PARD3B: variants seen among roughly 807,000 people sequenced by gnomAD.
The protein encoded by PARD3B is partitioning defective 3 homolog B.
Under a neutral mutation model 130.2 loss-of-function variants are expected in PARD3B, and 103 were observed. The observed-to-expected ratio is 0.79, with a 90% CI of 0.67 to 0.93. The LOEUF (loss-of-function observed/expected upper bound fraction) is 0.93, where lower values mean the gene tolerates loss of function less well. PARD3B is among the 40% of genes least tolerant of loss of function. The pLI is 0.00. For missense variants in PARD3B, 1,609 were observed against 1,499.2 expected, an observed-to-expected ratio of 1.07 and a Z score of -1.21; for synonymous variants, 583 against 553.2, an observed-to-expected ratio of 1.05 and a Z score of -0.76.
chr2:205,317,378 T>C (rs2042597974), intron 18 of PARD3B, among the ~76,000 whole-genome samples: 1 of 152,158 alleles, frequency 6.6e-6, no homozygotes, highest in Admixed American at 6.6e-5. Context: ...TAGAATGGGA[T>C]TGGTTAGCTG....
chr2:205,493,143 G>T (rs1490308490), intron 20 of PARD3B, among the ~76,000 whole-genome samples: 2 of 152,048 alleles, frequency 1.3e-5, no homozygotes, highest in African/African-American at 4.8e-5. Context: ...TTATATTATA[G>T]TTATGTTATT....
intron 3 of PARD3B, among the ~76,000 whole-genome samples, chr2:205,028,380 T>A (rs1697182091): frequency 6.6e-6 from 1 of 152,184 alleles, no homozygotes; most frequent in Non-Finnish European, 1.5e-5. Flanking sequence ...CTTAATAGAT[T>A]ATTTGACCAA....
chr2:205,567,260 G>A (rs1476735785), intron 22 of PARD3B, among the ~76,000 whole-genome samples: 2 of 143,088 alleles, frequency 1.4e-5, no homozygotes, highest in Non-Finnish European at 3.0e-5. Context: ...GGGACAAAAT[G>A]TAAAGAATTG....
intron 6 of PARD3B, among the ~76,000 whole-genome samples, chr2:205,115,416 G>A (rs559027894): frequency 7.9e-5 from 12 of 152,226 alleles, no homozygotes; most frequent in African/African-American, 2.6e-4. Context: ...CATTAAAAAT[G>A]TGAAAGTTCC....
chr2:205,140,144 A>C (rs1015659398), intron 10 of PARD3B, among the ~76,000 whole-genome samples: 3 of 152,252 alleles, frequency 2.0e-5, no homozygotes, highest in Non-Finnish European at 4.4e-5. Flanking sequence ...AGTAATGGCC[A>C]AGGCCACCGG....
intron 21 of PARD3B, among the ~76,000 whole-genome samples, chr2:205,539,989 C>A (rs181911607): frequency 6.6e-6 from 1 of 152,118 alleles, no homozygotes; most frequent in Non-Finnish European, 1.5e-5. Flanking sequence ...CCAAACTTTC[C>A]TCATTTTAGT....
At chr2:205,381,949 T>A (rs899469606) in intron 18 of PARD3B, among the ~76,000 whole-genome samples, 1 of 152,048 alleles carries the variant, frequency 6.6e-6, no homozygotes, top group Admixed American at 6.6e-5. Flanking sequence ...ACTTTTTCAG[T>A]TTTAGACTAC....
intron 1 of PARD3B, among the ~76,000 whole-genome samples, chr2:204,667,338 A>G (rs139663225): frequency 6.6e-6 from 1 of 151,914 alleles, no homozygotes; most frequent in African/African-American, 2.4e-5. Flanking sequence ...TTTAAACTCA[A>G]TTTTTTTACC....
chr2:204,665,684 C>G (rs547952263), intron 1 of PARD3B, among the ~76,000 whole-genome samples: 1 of 152,200 alleles, frequency 6.6e-6, no homozygotes, highest in South Asian at 2.1e-4. Context: ...AAGAAAGGCC[C>G]TTTTTGATGA....
At chr2:204,557,964 A>G (rs1409288272) in intron 1 of PARD3B, 2 of 152,108 alleles carry the variant, frequency 1.3e-5, no homozygotes, top group Non-Finnish European at 2.9e-5. Flanking sequence ...CATTAATTTC[A>G]TGTTGATTTT....
At chr2:205,189,642 C>T (rs1249129928) in intron 14 of PARD3B, among the ~76,000 whole-genome samples, 4 of 152,132 alleles carry the variant, frequency 2.6e-5, no homozygotes, top group Admixed American at 2.6e-4. Flanking sequence ...TGCAAACACT[C>T]GAGATATGTA....
intron 4 of PARD3B, among the ~76,000 whole-genome samples, chr2:205,059,331 A>C (rs1699923988): frequency 6.6e-6 from 1 of 152,042 alleles, no homozygotes; most frequent in Non-Finnish European, 1.5e-5. Flanking sequence ...GTCACACTGC[A>C]TGAAGGACCC....
intron 15 of PARD3B, among the ~76,000 whole-genome samples, chr2:205,225,806 A>G (rs76999449): frequency 6.6e-6 from 1 of 152,144 alleles, no homozygotes; most frequent in Admixed American, 6.5e-5. Flanking sequence ...GCAAGGGGGA[A>G]ATCCACCCCC....
chr2:204,955,109 C>T (rs1376980473), intron 2 of PARD3B, among the ~76,000 whole-genome samples: 2 of 152,176 alleles, frequency 1.3e-5, no homozygotes, highest in Non-Finnish European at 1.5e-5. Flanking sequence ...CATTAATCCA[C>T]AAAATTAAGC....
At chr2:205,188,783 C>CAAAAAAAAAAAA (rs68034154) in intron 14 of PARD3B, among the ~76,000 whole-genome samples, 1 of 97,400 alleles carries the variant, frequency 1.0e-5, no homozygotes, top group African/African-American at 3.8e-5. Flanking sequence ...TTCTGCCTTT[C>CAAAAAAAAAAAA]AAAAAAAAAA....
At chr2:205,363,832 CTTTTTTTTTTTTTTT>C (rs59271830) in intron 18 of PARD3B, among the ~76,000 whole-genome samples, 3 of 97,202 alleles carry the variant, frequency 3.1e-5, no homozygotes, top group Non-Finnish European at 3.6e-5. Flanking sequence ...GCCTGACTGA[CTTTTTTTTTTTTTTT>C]TTTTTTTTTT....
rs10672449 is a variant in PARD3B, at chr2:205,067,095, C to CTTT, written c.504+19432_504+19434dup. Among the ~76,000 whole-genome samples the CTTT allele has an allele frequency of 5.4e-3, 322 of 59,578 alleles. 34 individuals carry two copies. The highest frequency in any genetic ancestry group is 0.016 in the Middle Eastern group (1 of 64). 39.1% of individuals were successfully genotyped at this position (59,578 alleles called of 152,430 possible). A position where few individuals can be genotyped will look rare whatever the true frequency, so the allele number is the denominator to read the frequency against. On this transcript the variant is annotated intron_variant, in intron 4 of 22. Transcript: ENST00000406610. ...GCATCTTGCATCCACTTTTACTAGG[C>CTTT]TTTTTTTTTTTTTTTTTTTTTTTTT...
chr2:205,570,875 C>A (rs1405334650), intron 22 of PARD3B, among the ~76,000 whole-genome samples: 1 of 152,172 alleles, frequency 6.6e-6, no homozygotes, highest in Non-Finnish European at 1.5e-5. Context: ...CAACAACCTT[C>A]ATCACAGCCA....
intron 2 of PARD3B, among the ~76,000 whole-genome samples, chr2:204,701,622 A>G (rs2037895950): frequency 6.6e-6 from 1 of 152,122 alleles, no homozygotes; most frequent in Non-Finnish European, 1.5e-5. Flanking sequence ...GATTTAACTG[A>G]TTTTCAGCAT....
Sources: allele counts gnomAD v4.1 joint callset (sites outside exome capture counted in the v4.1 genomes callset), GRCh38; gene constraint gnomAD v4.1.1; transcripts MANE v1.5; gene names NCBI Gene and HGNC (gene_info 2026-07-23, HGNC 2026-07-21).